Variants in RIC1 observed in about 807,000 individuals in gnomAD.
RIC1 encodes guanine nucleotide exchange factor subunit RIC1.
Under a neutral mutation model 169.0 loss-of-function variants are expected in RIC1, and 88 were observed. The observed-to-expected ratio is 0.52, with a 90% CI of 0.44 to 0.62. The LOEUF (loss-of-function observed/expected upper bound fraction) is 0.62. Ranked by LOEUF, RIC1 falls within the 20% of genes least tolerant of loss-of-function variation. The pLI, the probability that RIC1 is intolerant of heterozygous loss-of-function variation, is 0.00. For synonymous variants in RIC1, 790 were observed against 601.5 expected, an observed-to-expected ratio of 1.31 and a Z score of -4.59; for missense variants, 1,877 against 1,725.5, an observed-to-expected ratio of 1.09 and a Z score of -1.56.
At chr9:5,641,233 A>T (rs1440822680) in intron 1 of RIC1, among the ~76,000 whole-genome samples, 2 of 151,428 alleles carry the variant, frequency 1.3e-5, no homozygotes, top group Non-Finnish European at 2.9e-5. Flanking sequence ...CTGGGACTAC[A>T]GGCGCCCACC....
chr9:5,771,957 T>G (rs1006972839), intron 23 of RIC1, among the ~76,000 whole-genome samples: 2 of 152,192 alleles, frequency 1.3e-5, no homozygotes, highest in African/African-American at 4.8e-5. Flanking sequence ...TTAAGAATTA[T>G]GACCAAAATA....
chr9:5,686,310 A>G (rs1821218737), intron 2 of RIC1, among the ~76,000 whole-genome samples: 1 of 152,144 alleles, frequency 6.6e-6, no homozygotes, highest in South Asian at 2.1e-4. Flanking sequence ...TCATGCCGCT[A>G]TAAAGACACA....
At chr9:5,761,130 T>C (rs1400930395) in intron 17 of RIC1, among the ~76,000 whole-genome samples, 1 of 146,610 alleles carries the variant, frequency 6.8e-6, no homozygotes, top group Non-Finnish European at 1.5e-5. Context: ...TTTTTTTTTT[T>C]TGAGACGGAG....
chr9:5,774,763 T>G lies in RIC1; in HGVS notation c.*517T>G, dbSNP rs1190501174. 2 of 152,390 alleles carry G rather than the reference T, an allele frequency of 1.3e-5. No homozygotes were observed. 9.4% of individuals were successfully genotyped at this position (152,390 alleles called of 1,614,324 possible). ...CCCTGGGGCACAATATGTGCCAGTGTGATGGAAACATTCTCCTTGGCTTTA... is the reference window on the plus strand; with the variant it reads ...CCCTGGGGCACAATATGTGCCAGTGGGATGGAAACATTCTCCTTGGCTTTA... On this transcript the variant is annotated 3_prime_UTR_variant, in exon 26 of 26. Transcript: ENST00000414202.
At position 5,720,741 on chromosome 9, in the gene RIC1, T is replaced by G; in HGVS notation, c.711T>G (p.Phe237Leu). The G allele has an allele frequency of 6.2e-7, 1 of 1,606,934 alleles. No homozygotes were observed. The highest frequency in any genetic ancestry group is 8.5e-7 in the Non-Finnish European group (1 of 1,177,372). ...TTATTACACCAGTGTCAAGTAGATT[T>G]ACTGCAGAGGTATGACTTATTTACT... ...VGFITPVSSR[F>L]TAEQLHGVWP... The change falls in exon 6 of 26, where the codon TTT (phenylalanine) becomes TTG (leucine). Residue 237 changes from phenylalanine (F) to leucine (L), a missense_variant. Physicochemically the swap from Phe to Leu is conservative, Grantham distance 22. Transcript: ENST00000414202.
intron 3 of RIC1, among the ~76,000 whole-genome samples, chr9:5,708,691 T>C (rs1467029632): frequency 6.6e-6 from 1 of 152,166 alleles, no homozygotes; most frequent in African/African-American, 2.4e-5. Context: ...TCTTCGTTTT[T>C]TTGACAGTTT....
At chr9:5,629,516 C>G in intron 1 of RIC1, 63 bp downstream of exon 1, 1 of 1,482,774 alleles carries the variant, frequency 6.7e-7, no homozygotes, top group Non-Finnish European at 9.0e-7. Context: ...CCGTCCCACC[C>G]CCAACTTCCA....
intron 2 of RIC1, among the ~76,000 whole-genome samples, chr9:5,677,661 C>G (rs1403912780): frequency 6.6e-6 from 1 of 151,788 alleles, no homozygotes; most frequent in African/African-American, 2.4e-5. Flanking sequence ...CTATTGTAGG[C>G]CTTTGTATTT....
chr9:5,717,904 C>T (rs1482692047), intron 4 of RIC1, among the ~76,000 whole-genome samples: 1 of 150,714 alleles, frequency 6.6e-6, no homozygotes, highest in Admixed American at 6.6e-5. Flanking sequence ...ACTTTGGAGG[C>T]CAAGGTGGGT....
intron 2 of RIC1, among the ~76,000 whole-genome samples, chr9:5,683,533 G>A (rs968202079): frequency 1.3e-5 from 2 of 152,168 alleles, no homozygotes; most frequent in Admixed American, 6.5e-5. Context: ...GTACCCGGCC[G>A]TGTGAAGTGT....
In RIC1 at chr9:5,773,030, G is replaced by A. The variant is rs1827330396; in HGVS notation, c.3933G>A (p.Gln1311=). 6.2e-7 allele frequency: 1 copy of A among 1,613,694 alleles called. No homozygotes were observed. The highest frequency in any genetic ancestry group is 8.5e-7 in the Non-Finnish European group (1 of 1,179,778). ...CAGAGGTAGATGGAGAGATGTTACA[G>A]AACATAAAGACAGGGCTCCATGCAG... is the stretch of plus-strand genomic sequence containing the variant. ...QSSEVDGEML[Q]NIKTGLHAVD... is the part of the protein sequence containing the mutation. The change falls in exon 25 of 26, where the codon CAG becomes CAA. Residue 1311 remains glutamine, a synonymous_variant. Coordinates refer to ENST00000414202, the MANE Select transcript of RIC1 (RefSeq NM_020829.4).
intron 21 of RIC1, among the ~76,000 whole-genome samples, chr9:5,768,563 C>G (rs1311383216): frequency 6.6e-6 from 1 of 152,150 alleles, no homozygotes; most frequent in Non-Finnish European, 1.5e-5. Flanking sequence ...TTTCATATGT[C>G]TGCATGACTC....
intron 21 of RIC1, among the ~76,000 whole-genome samples, chr9:5,767,586 C>A (rs913077463): frequency 6.6e-6 from 1 of 151,200 alleles, no homozygotes; most frequent in East Asian, 1.9e-4. Flanking sequence ...TCATGTTTTA[C>A]TGGGTTTTTT....
intron 8 of RIC1, among the ~76,000 whole-genome samples, chr9:5,741,864 A>T (rs13287462): frequency 0.02 from 3,018 of 152,214 alleles, 36 homozygotes; most frequent in Non-Finnish European, 0.025. Flanking sequence ...TCCTTGAAGC[A>T]TATTTTTTGT....
intron 3 of RIC1, among the ~76,000 whole-genome samples, chr9:5,692,670 C>T (rs1821656063): frequency 6.6e-6 from 1 of 151,874 alleles, no homozygotes; most frequent in African/African-American, 2.4e-5. Context: ...CCCATTTGTA[C>T]AATGGGAATA....
At chr9:5,776,671 A>G (rs1371499553), downstream of RIC1, 6 of 152,006 alleles carry the variant, frequency 3.9e-5, no homozygotes, top group African/African-American at 7.2e-5. Flanking sequence ...TTTATTTAAA[A>G]TATTTATTTA....
In RIC1 at chr9:5,644,603, T is replaced by G. The variant is rs78759349; in HGVS notation, c.145-11980T>G. On this transcript the variant is annotated intron_variant, in intron 1 of 25. Transcript: ENST00000414202. The stretch of plus-strand genomic sequence containing the variant: ...GTCCATGTGGTAGTATTCCTTTTTG[T>G]TGCTGAATATTTTTCCATTATTTGC... Among the ~76,000 whole-genome samples, 1,381 of 152,340 alleles carry G rather than the reference T, an allele frequency of 9.1e-3. 20 individuals carry two copies. The highest frequency in any genetic ancestry group is 0.032 in the African/African-American group (1,322 of 41,578).
chr9:5,660,853 C>T (rs545873273), intron 2 of RIC1, among the ~76,000 whole-genome samples: 17 of 152,212 alleles, frequency 1.1e-4, no homozygotes, highest in African/African-American at 3.9e-4. Flanking sequence ...CTCTTCAGTT[C>T]GATTAGATCC....
chr9:5,648,821 TTATGTCTTTTG>T (rs1818658354), intron 1 of RIC1, among the ~76,000 whole-genome samples: 1 of 152,220 alleles, frequency 6.6e-6, no homozygotes, highest in African/African-American at 2.4e-5. Flanking sequence ...GAAAAAATGT[TTATGTCTTTTG>T]CCCACTTTTT....
Sources: allele counts gnomAD v4.1 joint callset (sites outside exome capture counted in the v4.1 genomes callset), GRCh38; gene constraint gnomAD v4.1.1; transcripts MANE v1.5; gene names NCBI Gene and HGNC (gene_info 2026-07-23, HGNC 2026-07-21).